Variants in STXBP5L observed in about 807,000 individuals in gnomAD.
STXBP5L encodes syntaxin binding protein 5L.
A neutral mutation model predicts 144.5 loss-of-function variants in STXBP5L; 65 were observed. The ratio of observed to expected loss-of-function variants is 0.45; its 90% confidence interval spans 0.37 to 0.55. The LOEUF is 0.55. STXBP5L is among the 20% of genes least tolerant of loss of function. The pLI is 0.00. For missense variants in STXBP5L, 1,298 were observed against 1,405.5 expected (o/e 0.92, Z 1.22); for synonymous variants, 505 against 469.6 (o/e 1.08, Z -0.97).
intron 22 of STXBP5L, among the ~76,000 whole-genome samples, chr3:121,385,502 T>A (rs2046407603): frequency 6.6e-6 from 1 of 152,136 alleles, no homozygotes; most frequent in Admixed American, 6.6e-5. Context: ...ACATTGGAGA[T>A]TACATTTCAA....
chr3:121,134,394 G>A (rs1193606274), intron 7 of STXBP5L, among the ~76,000 whole-genome samples: 3 of 151,994 alleles, frequency 2.0e-5, no homozygotes, highest in African/African-American at 4.8e-5. Flanking sequence ...CTGCTACATT[G>A]GAGATTAAAT....
intron 9 of STXBP5L, among the ~76,000 whole-genome samples, chr3:121,173,086 C>T (rs996552772): frequency 4.6e-5 from 7 of 151,950 alleles, no homozygotes; most frequent in Non-Finnish European, 8.8e-5. Flanking sequence ...AACAGAAAAC[C>T]AAACACCGCA....
intron 20 of STXBP5L, among the ~76,000 whole-genome samples, chr3:121,363,441 G>A (rs556067769): frequency 1.3e-5 from 2 of 152,150 alleles, no homozygotes; most frequent in Non-Finnish European, 2.9e-5. Context: ...GCTGGGATTG[G>A]CAGTTCCCCT....
chr3:121,335,903 G>A (rs530348343), intron 20 of STXBP5L, among the ~76,000 whole-genome samples: 1 of 152,112 alleles, frequency 6.6e-6, no homozygotes, highest in Admixed American at 6.6e-5. Flanking sequence ...CACAACAAAG[G>A]CAAAAAGTGA....
intron 7 of STXBP5L, among the ~76,000 whole-genome samples, chr3:121,150,947 G>A (rs778463793): frequency 2.6e-5 from 4 of 152,210 alleles, no homozygotes; most frequent in African/African-American, 7.2e-5. Context: ...AATTAGCCAG[G>A]TGTGGTGGCA....
At chr3:121,326,112 C>A (rs887096563) in intron 20 of STXBP5L, among the ~76,000 whole-genome samples, 45 of 151,730 alleles carry the variant, frequency 3.0e-4, no homozygotes, top group African/African-American at 1.0e-3. Context: ...AACTATATGA[C>A]ATTAATAGTC....
intron 5 of STXBP5L, among the ~76,000 whole-genome samples, chr3:121,081,988 C>T (rs1207183157): frequency 6.6e-6 from 1 of 152,164 alleles, no homozygotes; most frequent in Non-Finnish European, 1.5e-5. Context: ...GTCTGTCCCT[C>T]TGCCAATACC....
At chr3:121,093,832 C>G (rs2042962430) in intron 5 of STXBP5L, among the ~76,000 whole-genome samples, 2 of 152,162 alleles carry the variant, frequency 1.3e-5, no homozygotes, top group East Asian at 1.9e-4. Flanking sequence ...TGTGTTTGCT[C>G]TTTCTTTTCT....
intron 5 of STXBP5L, among the ~76,000 whole-genome samples, chr3:121,050,844 C>T (rs1238158850): frequency 6.6e-6 from 1 of 152,116 alleles, no homozygotes; most frequent in East Asian, 1.9e-4. Context: ...AAACCCATCT[C>T]ATGTGCAGAG....
chr3:121,008,632 C>T lies in STXBP5L; in HGVS notation c.288-33068C>T, dbSNP rs115723956. ...GTATCATGTTTAAGCTGGTTCCTTACAATGGTTTAAGAGGCTATTCCAGCA... is the reference window on the plus strand; with the variant it reads ...GTATCATGTTTAAGCTGGTTCCTTATAATGGTTTAAGAGGCTATTCCAGCA... On this transcript the variant is annotated intron_variant, in intron 3 of 26. Transcript: ENST00000471454. 4.2e-3 allele frequency among the ~76,000 whole-genome samples: 645 copies of T among 152,106 alleles called. 5 individuals are homozygous for T. The highest frequency in any genetic ancestry group is 0.015 in the African/African-American group (615 of 41,526).
intron 19 of STXBP5L, among the ~76,000 whole-genome samples, chr3:121,311,458 T>C (rs2043524377): frequency 6.6e-6 from 1 of 152,236 alleles, no homozygotes; most frequent in Non-Finnish European, 1.5e-5. Flanking sequence ...GGTATATCTT[T>C]ATAATGATTT....
intron 13 of STXBP5L, among the ~76,000 whole-genome samples, chr3:121,239,493 A>G (rs940239275): frequency 2.0e-5 from 3 of 151,452 alleles, no homozygotes; most frequent in Non-Finnish European, 4.4e-5. Context: ...GATTAAGAAA[A>G]TGTGGCACAT....
At chr3:121,388,149 C>G (rs1463838490) in intron 22 of STXBP5L, among the ~76,000 whole-genome samples, 2 of 151,298 alleles carry the variant, frequency 1.3e-5, no homozygotes, top group African/African-American at 4.8e-5. Context: ...TAGGTATTCT[C>G]TTTGTAGCAA....
chr3:121,341,559 C>T (rs2108583535), intron 20 of STXBP5L, among the ~76,000 whole-genome samples: 1 of 150,710 alleles, frequency 6.6e-6, no homozygotes, highest in Non-Finnish European at 1.5e-5. Flanking sequence ...GAAGAGATAT[C>T]TGCACTCCCA....
At chr3:121,293,350 G>T (rs2051519526) in intron 19 of STXBP5L, among the ~76,000 whole-genome samples, 1 of 152,118 alleles carries the variant, frequency 6.6e-6, no homozygotes, top group African/African-American at 2.4e-5. Context: ...GGAAGAGAGG[G>T]TTACAAAAGG....
At chr3:121,318,084 T>C (rs2043843660) in intron 19 of STXBP5L, among the ~76,000 whole-genome samples, 1 of 152,120 alleles carries the variant, frequency 6.6e-6, no homozygotes, top group South Asian at 2.1e-4. Context: ...TTTATATCTT[T>C]GTACCATCCA....
At position 121,303,968 on chromosome 3, in the gene STXBP5L, T is replaced by C. The variant is rs540515588; in HGVS notation, c.2111-14507T>C. On this transcript the variant is annotated intron_variant, in intron 19 of 26. Coordinates refer to ENST00000471454, the MANE Select transcript of STXBP5L (RefSeq NM_001308330.2). ...GGGTGCAGCACACAAACATGGCACA[T>C]GTATACATATGTAACAAACCTGCAC... 4.6e-5 allele frequency among the ~76,000 whole-genome samples: 7 copies of C among 151,834 alleles called. No individual in the cohort carries two copies. In the South Asian group the frequency reaches 1.5e-3, roughly 32 times the overall value.
chr3:121,121,731 A>T lies in STXBP5L; in HGVS notation c.669+27A>T, dbSNP rs772051179. On this transcript the variant is annotated intron_variant, in intron 7 of 26. Transcript: ENST00000471454. ...TGAGTATTATGATATCTTTATTATT[A>T]GTTTTATTTTCCTCATTCTTGAAAA... is the stretch of plus-strand genomic sequence containing the variant. 13 of 1,524,820 alleles carry T rather than the reference A, an allele frequency of 8.5e-6. 1 individual carries two copies. The South Asian group carries it at 9.4e-5, about 11-fold the overall frequency. The allele number at this position is 1,524,820 out of a possible 1,614,324, so 94.5% of individuals were successfully genotyped here.
At chr3:121,060,400 C>A (rs573625707) in intron 5 of STXBP5L, among the ~76,000 whole-genome samples, 10 of 152,118 alleles carry the variant, frequency 6.6e-5, no homozygotes, top group Admixed American at 3.3e-4. Context: ...ATTTTCACAT[C>A]GATATTCATC....
Sources: gnomAD v4.1 joint callset for allele counts (sites outside exome capture counted in the v4.1 genomes callset) on GRCh38, gnomAD v4.1.1 for gene constraint, MANE v1.5 for transcripts, NCBI Gene and HGNC (gene_info 2026-07-23, HGNC 2026-07-21) for gene names.